CYRIA: variants seen among roughly 807,000 people sequenced by gnomAD.
CYRIA encodes the protein CYFIP-related Rac1 interactor A.
CYRIA carries 15 observed loss-of-function variants against 43.9 expected under a neutral mutation model. The ratio of observed to expected loss-of-function variants is 0.34; its 90% CI spans 0.23 to 0.53. The LOEUF is 0.53. Ranked by LOEUF, CYRIA falls within the 20% of genes least tolerant of loss-of-function variation. CYRIA has a pLI of 0.94. For missense variants in CYRIA, 236 were observed against 394.2 expected, an observed-to-expected ratio of 0.60 and a Z score of 3.40; for synonymous variants, 117 against 136.0, an observed-to-expected ratio of 0.86 and a Z score of 0.97.
chr2:16,660,626 T>C (rs571287697), intron 1 of CYRIA, among the ~76,000 whole-genome samples: 70 of 152,294 alleles, frequency 4.6e-4, no homozygotes, highest in African/African-American at 1.5e-3. Flanking sequence ...CCGTACATAT[T>C]TGTCAAATGA....
intron 1 of CYRIA, among the ~76,000 whole-genome samples, chr2:16,663,766 C>T (rs1670322924): frequency 6.6e-6 from 1 of 152,126 alleles, no homozygotes; most frequent in Non-Finnish European, 1.5e-5. Context: ...AGACAGCTTC[C>T]TGGCAGCTCC....
chr2:16,586,501 CAAT>C (rs1426886778), intron 3 of CYRIA, among the ~76,000 whole-genome samples: 1 of 151,948 alleles, frequency 6.6e-6, no homozygotes, highest in Non-Finnish European at 1.5e-5. Flanking sequence ...CCAAGCCAAA[CAAT>C]AACAACAACA....
intron 2 of CYRIA, among the ~76,000 whole-genome samples, chr2:16,610,760 T>G (rs1416953723): frequency 6.6e-6 from 1 of 151,908 alleles, no homozygotes; most frequent in East Asian, 1.9e-4. Flanking sequence ...CAAAACTGTA[T>G]AGGCTCTGCT....
At position 16,628,113 on chromosome 2, in the gene CYRIA, A is replaced by G. The variant is rs114331103; in HGVS notation, c.-166-4094T>C. 4.9e-3 allele frequency among the ~76,000 whole-genome samples: 741 copies of G among 152,272 alleles called. 6 individuals carry two copies. Among genetic ancestry groups the G allele is most frequent in the African/African-American group, 0.017 (708 of 41,542 alleles). On this transcript the variant is annotated intron_variant, in intron 1 of 11. Coordinates refer to ENST00000381323, the MANE Select transcript of CYRIA (RefSeq NM_030797.4). ...GGAAAGACAGGGGTCATCTCTCACCATTTCTACAATGAAGAGCTAAAGCCA... is the reference window on the plus strand; with the variant it reads ...GGAAAGACAGGGGTCATCTCTCACCGTTTCTACAATGAAGAGCTAAAGCCA...
intron 3 of CYRIA, among the ~76,000 whole-genome samples, chr2:16,584,639 C>T (rs981569749): frequency 3.9e-5 from 6 of 152,224 alleles, no homozygotes; most frequent in Non-Finnish European, 8.8e-5. Context: ...TGGTCTAACC[C>T]AAGCCAGCCT....
At chr2:16,568,689 GA>G (rs1558405714) in intron 3 of CYRIA, among the ~76,000 whole-genome samples, 4 of 152,166 alleles carry the variant, frequency 2.6e-5, no homozygotes, top group African/African-American at 9.7e-5. Flanking sequence ...GTTTCCTAGA[GA>G]TGTATGTATT....
In CYRIA at chr2:16,550,396, C is replaced by A. The variant is rs1434819433; in HGVS notation, c.*2540G>T. On this transcript the variant is annotated 3_prime_UTR_variant, in exon 12 of 12. Coordinates refer to ENST00000381323, the MANE Select transcript of CYRIA (RefSeq NM_030797.4). Reference sequence around the variant, plus strand: ...GGCTGTTAAAAGAATTTGTCTCCCACAATATCTCTGGAGTGGGCACAAAGC... The same window carrying A: ...GGCTGTTAAAAGAATTTGTCTCCCAAAATATCTCTGGAGTGGGCACAAAGC... 3 of 152,056 alleles carry A rather than the reference C, an allele frequency of 2.0e-5. No homozygotes were observed. The highest frequency in any genetic ancestry group is 7.2e-5 in the African/African-American group (3 of 41,430). 9.4% of individuals were successfully genotyped at this position (152,056 alleles called of 1,614,324 possible). A position where few individuals can be genotyped will look rare whatever the true frequency, so the allele number is the denominator to read the frequency against.
intron 2 of CYRIA, among the ~76,000 whole-genome samples, chr2:16,617,350 G>A (rs1156644633): frequency 6.6e-6 from 1 of 152,208 alleles, no homozygotes; most frequent in East Asian, 1.9e-4. Context: ...CCGGGTCAGT[G>A]CAGTCTCCAT....
intron 2 of CYRIA, among the ~76,000 whole-genome samples, chr2:16,601,233 G>T (rs1361597144): frequency 1.3e-5 from 2 of 152,096 alleles, no homozygotes; most frequent in Non-Finnish European, 2.9e-5. Context: ...GAGTTTGCTC[G>T]ATAGAAGAAG....
intron 2 of CYRIA, among the ~76,000 whole-genome samples, chr2:16,623,315 G>A (rs1485828086): frequency 1.3e-5 from 2 of 152,232 alleles, no homozygotes; most frequent in African/African-American, 4.8e-5. Context: ...TGACTGGGAG[G>A]AGGGGAGAGA....
intron 3 of CYRIA, among the ~76,000 whole-genome samples, chr2:16,585,200 T>C (rs1667685471): frequency 6.6e-6 from 1 of 152,156 alleles, no homozygotes; most frequent in African/African-American, 2.4e-5. Context: ...GAAAATCATC[T>C]TTAGGAAATA....
intron 2 of CYRIA, among the ~76,000 whole-genome samples, chr2:16,604,018 G>T (rs1033476332): frequency 6.6e-6 from 1 of 152,208 alleles, no homozygotes; most frequent in Non-Finnish European, 1.5e-5. Flanking sequence ...CCTGGGCTAT[G>T]CCTTGTGTGG....
intron 1 of CYRIA, among the ~76,000 whole-genome samples, chr2:16,630,256 A>G (rs1669288252): frequency 6.6e-6 from 1 of 152,118 alleles, no homozygotes; most frequent in Non-Finnish European, 1.5e-5. Context: ...CGAGTAGATA[A>G]CGAAGTGCGC....
Position 16,552,692 on chromosome 2 carries a change from A to T in CYRIA, c.*244T>A. On this transcript the variant is annotated 3_prime_UTR_variant, in exon 12 of 12. Transcript: ENST00000381323. ...TAAAGGACTCCAGTAGCAAAGATCAAAGTCTCCGAATTTTGCCTTTGGAGA... is the reference window on the plus strand; with the variant it reads ...TAAAGGACTCCAGTAGCAAAGATCATAGTCTCCGAATTTTGCCTTTGGAGA... 2.2e-6 allele frequency: 1 copy of T among 462,276 alleles called. No homozygotes were observed. Among genetic ancestry groups the T allele is most frequent in the Non-Finnish European group, 3.8e-6 (1 of 260,090 alleles). 28.6% of individuals were successfully genotyped at this position (462,276 alleles called of 1,614,324 possible). A position where few individuals can be genotyped will look rare whatever the true frequency, so the allele number is the denominator to read the frequency against.
chr2:16,565,123 T>C (rs1192274135), intron 4 of CYRIA, among the ~76,000 whole-genome samples: 3 of 152,074 alleles, frequency 2.0e-5, no homozygotes, highest in East Asian at 1.9e-4. Context: ...TATTAATCTA[T>C]AGCACTGTGT....
rs553663883 is a variant in CYRIA at position 16,565,988 on chromosome 2, T to C, written c.71-221A>G. 2.0e-5 allele frequency among the ~76,000 whole-genome samples: 3 copies of C among 152,272 alleles called. No individual in the cohort carries two copies. The South Asian group carries it at 6.2e-4, about 32-fold the overall frequency. On this transcript the variant is annotated intron_variant, in intron 3 of 11. Coordinates refer to ENST00000381323, the MANE Select transcript of CYRIA (RefSeq NM_030797.4). ...ATAGTCAATGATCTTTTTATAGTCA[T>C]AAAACAAGCACACAGGAGTCATCAT... is the stretch of plus-strand genomic sequence containing the variant.
At chr2:16,568,127 A>G (rs1667007058) in intron 3 of CYRIA, among the ~76,000 whole-genome samples, 1 of 151,038 alleles carries the variant, frequency 6.6e-6, no homozygotes, top group South Asian at 2.1e-4. Context: ...AAATGCCCAC[A>G]TGGTGCAACA....
At chr2:16,609,787 G>C (rs954060606) in intron 2 of CYRIA, among the ~76,000 whole-genome samples, 1 of 152,116 alleles carries the variant, frequency 6.6e-6, no homozygotes, top group African/African-American at 2.4e-5. Context: ...AAAACAAAAC[G>C]TATGCTTCTT....
At chr2:16,646,040 T>C (rs188237344) in intron 1 of CYRIA, among the ~76,000 whole-genome samples, 277 of 152,320 alleles carry the variant, frequency 1.8e-3, no homozygotes, top group Middle Eastern at 0.01. Context: ...AGACAGGCAA[T>C]GCAGTATGAC....
Sources: allele counts gnomAD v4.1 joint callset (sites outside exome capture counted in the v4.1 genomes callset), GRCh38; gene constraint gnomAD v4.1.1; transcripts MANE v1.5; gene names NCBI Gene and HGNC (gene_info 2026-07-23, HGNC 2026-07-21).